The following AKAP8L variants were observed in gnomAD, a reference collection of about 807,000 sequenced individuals.
AKAP8L encodes A-kinase anchoring protein 8 like.
A neutral mutation model predicts 77.5 loss-of-function variants in AKAP8L; 34 were observed. The observed-to-expected ratio is 0.44, with a 90% CI of 0.33 to 0.58. The LOEUF (loss-of-function observed/expected upper bound fraction) is 0.58. Among genes scored for constraint, AKAP8L ranks in the 20% least tolerant of loss-of-function variants. The pLI is 0.02. For synonymous variants in AKAP8L, 342 were observed against 340.7 expected, an observed-to-expected ratio of 1.00 and a Z score of -0.04; for missense variants, 806 against 887.6, an observed-to-expected ratio of 0.91 and a Z score of 1.17.
chr19:15,405,289 T>G (rs1375334853), intron 2 of AKAP8L, among the ~76,000 whole-genome samples: 7 of 152,180 alleles, frequency 4.6e-5, no homozygotes, highest in Admixed American at 4.6e-4. Flanking sequence ...ATCCCAGCAC[T>G]TCGGGAGGTC....
chr19:15,388,934 G>T (rs982855921), intron 12 of AKAP8L, among the ~76,000 whole-genome samples: 1 of 146,560 alleles, frequency 6.8e-6, no homozygotes, highest in Non-Finnish European at 1.5e-5. Context: ...AGTGAACTTG[G>T]CCGAGCTCGG....
chr19:15,410,744 G>A (rs1194655837), intron 1 of AKAP8L, 150 bp from the exon 2 acceptor site: 19 of 628,116 alleles, frequency 3.0e-5, no homozygotes, highest in East Asian at 2.2e-4. Flanking sequence ...TAATTAGACC[G>A]TCAGAAAATA....
At position 15,418,974 on chromosome 19, in the gene AKAP8L, A is replaced by G; in HGVS notation, c.-51T>C. ...GACGCCGGCTTCTGCTGCTCTGAAC[A>G]TCCGACGCTGCGATAGCTGCTGCTA... On this transcript the variant is annotated 5_prime_UTR_variant, in exon 1 of 14. The change abolishes an upstream ATG in the 5' untranslated region. Transcript: ENST00000397410. The G allele has an allele frequency of 6.2e-7, 1 of 1,602,448 alleles. No homozygotes were observed. The highest frequency in any genetic ancestry group is 8.5e-7 in the Non-Finnish European group (1 of 1,178,840).
At chr19:15,406,454 A>G (rs1036436079) in intron 2 of AKAP8L, among the ~76,000 whole-genome samples, 2 of 150,028 alleles carry the variant, frequency 1.3e-5, no homozygotes, top group African/African-American at 2.4e-5. Context: ...ATATATATGT[A>G]AAAATAAGAT....
Position 15,399,123 on chromosome 19 carries a change from G to T in AKAP8L, c.1157+179C>A. The T allele has an allele frequency of 1.6e-6, 1 of 624,658 alleles. No homozygotes were observed. The highest frequency in any genetic ancestry group is 2.8e-6 in the Non-Finnish European group (1 of 357,852). The allele number at this position is 624,658 out of a possible 1,614,324, so 38.7% of individuals were successfully genotyped here. Reference sequence around the variant, plus strand: ...GTCGCCAGGCGGCCGCAGAGGGGCAGGGGATGAGTCAGGCCTTGGGAGCTG... The same window carrying T: ...GTCGCCAGGCGGCCGCAGAGGGGCATGGGATGAGTCAGGCCTTGGGAGCTG... On this transcript the variant is annotated intron_variant, in intron 9 of 13. Transcript: ENST00000397410. The surrounding 1 kb of genome is among the most constrained non-coding windows in gnomAD (Gnocchi z 6.1).
Position 15,399,293 on chromosome 19 carries a change from G to T in AKAP8L, c.1157+9C>A. 1 of 1,610,894 alleles carries T rather than the reference G, an allele frequency of 6.2e-7. No individual in the cohort carries two copies. Among genetic ancestry groups the T allele is most frequent in the Non-Finnish European group, 8.5e-7 (1 of 1,177,138 alleles). On this transcript the variant is annotated intron_variant, in intron 9 of 13. Transcript: ENST00000397410. This position sits in a 1 kb window ranked among gnomAD's most constrained non-coding sequence, Gnocchi z 6.1. ...GGCAGAGGCAGAGGGGTGGAGGGAAGCTGGTTACCTTTCCACCATGCGGTC... is the reference window on the plus strand; with the variant it reads ...GGCAGAGGCAGAGGGGTGGAGGGAATCTGGTTACCTTTCCACCATGCGGTC...
rs1967884075 is a variant in AKAP8L at position 15,401,012 on chromosome 19, C to T, written c.848G>A (p.Ser283Asn). 1 of 1,613,882 alleles carries T rather than the reference C, an allele frequency of 6.2e-7. No individual in the cohort carries two copies. The highest frequency in any genetic ancestry group is 1.3e-5 in the African/African-American group (1 of 75,066). Residue 283 changes from serine to asparagine, a missense_variant, in exon 6 of 14, where the codon AGT becomes AAT. Physicochemically the swap from Ser to Asn is conservative, Grantham distance 46. Coordinates refer to ENST00000397410, the MANE Select transcript of AKAP8L (RefSeq NM_014371.4). The surrounding 1 kb of genome is among the most constrained non-coding windows in gnomAD (Gnocchi z 6.2). Reference sequence around the variant, plus strand: ...GGCTTTGCTATCTGGCTCATCAGGACTGCCGCCCTGCTTTCTCTTCTTCTT... The same window carrying T: ...GGCTTTGCTATCTGGCTCATCAGGATTGCCGCCCTGCTTTCTCTTCTTCTT... Reference protein sequence around the residue: ...TKKKKRKQGGSPDEPDSKATR... With the variant: ...TKKKKRKQGGNPDEPDSKATR...
chr19:15,395,053 A>G (rs1207287551), intron 12 of AKAP8L, among the ~76,000 whole-genome samples: 1 of 150,264 alleles, frequency 6.7e-6, no homozygotes, highest in Admixed American at 6.6e-5. Context: ...TTTTTGAGAC[A>G]GAGTCTCGCT....
chr19:15,406,956 TC>T (rs1490333745), intron 2 of AKAP8L, among the ~76,000 whole-genome samples: 2 of 152,160 alleles, frequency 1.3e-5, no homozygotes, highest in Non-Finnish European at 2.9e-5. Flanking sequence ...AGGAAATGCT[TC>T]TAACATAAAA....
rs1234395041 is a variant in AKAP8L at position 15,403,285 on chromosome 19, G to A, written c.362+190C>T. ...GGCTGACCACCAGGCAGTGCGGCAG[G>A]GGTTGAGGGTGGGTGAGAGGAGACA... On this transcript the variant is annotated intron_variant, in intron 4 of 13. Coordinates refer to ENST00000397410, the MANE Select transcript of AKAP8L (RefSeq NM_014371.4). The surrounding 1 kb of genome is among the most constrained non-coding windows in gnomAD (Gnocchi z 4.3). 4.9e-6 allele frequency: 3 copies of A among 607,394 alleles called. No individual in the cohort carries two copies. Among genetic ancestry groups the A allele is most frequent in the African/African-American group, 3.7e-5 (2 of 54,076 alleles). 37.6% of individuals were successfully genotyped at this position (607,394 alleles called of 1,614,324 possible).
intron 12 of AKAP8L, among the ~76,000 whole-genome samples, chr19:15,388,853 T>C (rs1331804613): frequency 6.7e-6 from 1 of 149,942 alleles, no homozygotes; most frequent in Non-Finnish European, 1.5e-5. Flanking sequence ...GAGGCGGAGC[T>C]TGCAGTGAGC....
chr19:15,412,633 C>T (rs1336350539), intron 1 of AKAP8L, among the ~76,000 whole-genome samples: 2 of 152,188 alleles, frequency 1.3e-5, no homozygotes, highest in African/African-American at 4.8e-5. Flanking sequence ...CCTCCACCTC[C>T]CGGGTTCAAG....
intron 2 of AKAP8L, among the ~76,000 whole-genome samples, chr19:15,405,782 T>C (rs1811244): frequency 0.8 from 121,112 of 151,894 alleles, 48,548 homozygotes; most frequent in East Asian, 0.99. Flanking sequence ...ATTAGCCAGG[T>C]GTGGTGGTGC....
At chr19:15,405,719 C>T (rs983187152) in intron 2 of AKAP8L, among the ~76,000 whole-genome samples, 9 of 149,192 alleles carry the variant, frequency 6.0e-5, no homozygotes, top group African/African-American at 1.5e-4. Context: ...GTCAGGAGTT[C>T]GAGACCAGCC....
chr19:15,398,743 G>A lies in AKAP8L; in HGVS notation c.1157+559C>T. 1.0e-6 allele frequency: 1 copy of A among 990,224 alleles called. No individual in the cohort carries two copies. The highest frequency in any genetic ancestry group is 4.6e-5 in the South Asian group (1 of 21,600). The allele number at this position is 990,224 out of a possible 1,614,324, so 61.3% of individuals were successfully genotyped here. A position where few individuals can be genotyped will look rare whatever the true frequency, so the allele number is the denominator to read the frequency against. ...GCAAGAGCAAGAGTCTGAGGCGGAG[G>A]AGGCAAGCGCCAGTGCGGGAGCCCT... On this transcript the variant is annotated intron_variant, in intron 9 of 13. Coordinates refer to ENST00000397410, the MANE Select transcript of AKAP8L (RefSeq NM_014371.4). The surrounding 1 kb of genome is among the most constrained non-coding windows in gnomAD (Gnocchi z 9.2).
At chr19:15,407,258 AAAAAT>A (rs1031670792) in intron 2 of AKAP8L, among the ~76,000 whole-genome samples, 10 of 152,340 alleles carry the variant, frequency 6.6e-5, no homozygotes, top group South Asian at 2.1e-4. Flanking sequence ...CATATCTTAA[AAAAAT>A]AAAATAAAAT....
At chr19:15,391,901 T>C (rs1159006883) in intron 12 of AKAP8L, among the ~76,000 whole-genome samples, 1 of 152,078 alleles carries the variant, frequency 6.6e-6, no homozygotes, top group Non-Finnish European at 1.5e-5. Flanking sequence ...CATGGTAGGA[T>C]CATAGCTCAC....
chr19:15,398,964 G>T lies in AKAP8L; in HGVS notation c.1157+338C>A. 2.5e-6 allele frequency: 1 copy of T among 395,452 alleles called. No individual in the cohort carries two copies. Among genetic ancestry groups the T allele is most frequent in the Non-Finnish European group, 4.4e-6 (1 of 229,294 alleles). The allele number at this position is 395,452 out of a possible 1,614,324, so 24.5% of individuals were successfully genotyped here. Reference sequence around the variant, plus strand: ...CAGGCGCCTTGGACCTTGAGTCTCTGATGAGCTGGCCCCCTCCCTCAGGGG... The same window carrying T: ...CAGGCGCCTTGGACCTTGAGTCTCTTATGAGCTGGCCCCCTCCCTCAGGGG... On this transcript the variant is annotated intron_variant, in intron 9 of 13. Coordinates refer to ENST00000397410, the MANE Select transcript of AKAP8L (RefSeq NM_014371.4). This position sits in a 1 kb window ranked among gnomAD's most constrained non-coding sequence, Gnocchi z 9.2.
chr19:15,414,623 G>A lies in AKAP8L; in HGVS notation c.14-4029C>T, dbSNP rs563912499. 4.6e-5 allele frequency among the ~76,000 whole-genome samples: 7 copies of A among 152,162 alleles called. No individual in the cohort carries two copies. In the South Asian group the frequency reaches 1.5e-3, roughly 32 times the overall value. On this transcript the variant is annotated intron_variant, in intron 1 of 13. Coordinates refer to ENST00000397410, the MANE Select transcript of AKAP8L (RefSeq NM_014371.4). ...CCTGCCTCAGCCTCCTGAGTAGCTG[G>A]GACTACAGGCACCTGCCACCACGCC...
Sources: gnomAD v4.1 joint callset for allele counts (sites outside exome capture counted in the v4.1 genomes callset) on GRCh38, gnomAD v4.1.1 for gene constraint, Gnocchi (gnomAD v3.1) non-coding constraint, MANE v1.5 for transcripts, NCBI Gene and HGNC (gene_info 2026-07-23, HGNC 2026-07-21) for gene names.